The following PCDHGB2 variants were observed in gnomAD, a reference collection of about 807,000 sequenced individuals.
The protein encoded by PCDHGB2 is protocadherin gamma-B2.
In PCDHGB2, 55 loss-of-function variants were observed where a neutral mutation model predicts 59.3. That is an observed-to-expected ratio of 0.93 (90% confidence interval 0.75 to 1.16). PCDHGB2 has a LOEUF of 1.16. Ranked by LOEUF, PCDHGB2 falls within the 50% of genes most tolerant of loss-of-function variation. PCDHGB2 has a pLI of 0.00. For synonymous variants in PCDHGB2, 516 were observed against 512.0 expected (o/e 1.01, Z -0.11); for missense variants, 1,228 against 1,198.5 (o/e 1.02, Z -0.36).
At chr5:141,500,184 T>A (rs889800014) in intron 2 of PCDHGB2, among the ~76,000 whole-genome samples, 89 of 135,966 alleles carry the variant, frequency 6.5e-4, no homozygotes, top group African/African-American at 2.4e-3. Flanking sequence ...TCATTTTTAT[T>A]TTTATTTATT....
chr5:141,388,663 C>A (rs770660956), intron 1 of PCDHGB2: 1 of 1,613,928 alleles, frequency 6.2e-7, no homozygotes, highest in Non-Finnish European at 8.5e-7. Context: ...CCGGGGACCA[C>A]GGTGCTACAG....
chr5:141,423,265 G>A (rs973635802), intron 1 of PCDHGB2: 15 of 1,613,548 alleles, frequency 9.3e-6, no homozygotes, highest in African/African-American at 1.3e-5. Context: ...CGGCAGCCTC[G>A]AGTCTCTGGC....
chr5:141,410,730 C>CT (rs1191642079), intron 1 of PCDHGB2: 2 of 1,347,822 alleles, frequency 1.5e-6, no homozygotes, highest in Admixed American at 2.5e-5. Context: ...AAATCCATAG[C>CT]TTTTTACAAT....
intron 1 of PCDHGB2, chr5:141,374,760 C>T (rs1255992375): frequency 6.2e-7 from 1 of 1,613,440 alleles, no homozygotes; most frequent in South Asian, 1.1e-5. Context: ...TCAAGCGTCG[C>T]CCAAATTCTG....
At chr5:141,409,030 GAT>G in intron 1 of PCDHGB2, 1 of 1,614,010 alleles carries the variant, frequency 6.2e-7, no homozygotes, top group Non-Finnish European at 8.5e-7. Context: ...TCAATGCTGA[GAT>G]AAACTACTAC....
At chr5:141,502,978 G>T (rs1004984942) in intron 2 of PCDHGB2, among the ~76,000 whole-genome samples, 1 of 150,096 alleles carries the variant, frequency 6.7e-6, no homozygotes, top group Non-Finnish European at 1.5e-5. Context: ...CAAGTAGCTG[G>T]GATTACAGGC....
chr5:141,373,370 G>T (rs1448314999), intron 1 of PCDHGB2, among the ~76,000 whole-genome samples: 1 of 152,164 alleles, frequency 6.6e-6, no homozygotes, highest in African/African-American at 2.4e-5. Context: ...TAATGAATTG[G>T]TTCAAAATGT....
chr5:141,394,808 T>G lies in PCDHGB2; in HGVS notation c.2421+32252T>G, dbSNP rs534137630. The G allele has an allele frequency of 9.9e-6, 16 of 1,613,872 alleles. No individual in the cohort carries two copies. The East Asian group carries it at 3.6e-4, about 36-fold the overall frequency. On this transcript the variant is annotated intron_variant, in intron 1 of 3. Coordinates refer to ENST00000522605, the MANE Select transcript of PCDHGB2 (RefSeq NM_018923.3). ...CTGTCACGCTCACCGTAGCCGTGGC[T>G]GACAGCATCCCCGAAGTCCTGACCG...
chr5:141,452,364 A>G (rs1330623001), intron 1 of PCDHGB2, among the ~76,000 whole-genome samples: 1 of 152,188 alleles, frequency 6.6e-6, no homozygotes, highest in African/African-American at 2.4e-5. Flanking sequence ...GCCTTGCTTC[A>G]TTTTAGTAGG....
chr5:141,445,134 A>G lies in PCDHGB2; in HGVS notation c.2422-49673A>G, dbSNP rs900226020. ...TTGTAAATAGTATTTTTAAAATTGT[A>G]TCTTCTAATTGTTCATTTCTAGTTT... On this transcript the variant is annotated intron_variant, in intron 1 of 3. Transcript: ENST00000522605. Among the ~76,000 whole-genome samples, 174 of 152,316 alleles carry G rather than the reference A, an allele frequency of 1.1e-3. 4 individuals carry two copies. The highest frequency in any genetic ancestry group is 5.3e-4 in the Non-Finnish European group (36 of 68,016).
At chr5:141,394,250 C>T (rs749533197) in intron 1 of PCDHGB2, 15 of 1,613,784 alleles carry the variant, frequency 9.3e-6, no homozygotes, top group Non-Finnish European at 1.0e-5. Flanking sequence ...CACACGACCC[C>T]GACAGCCAGG....
chr5:141,467,681 A>G (rs2099148744), intron 1 of PCDHGB2, among the ~76,000 whole-genome samples: 1 of 152,076 alleles, frequency 6.6e-6, no homozygotes, highest in African/African-American at 2.4e-5. Flanking sequence ...TATTTTTTTT[A>G]GACAGGGTCT....
Position 141,432,072 on chromosome 5 carries a change from T to C in PCDHGB2, c.2422-62735T>C, listed in dbSNP as rs1236871982. The C allele has an allele frequency of 6.2e-7, 1 of 1,614,178 alleles. No homozygotes were observed. The highest frequency in any genetic ancestry group is 8.5e-7 in the Non-Finnish European group (1 of 1,180,032). On this transcript the variant is annotated intron_variant, in intron 1 of 3. Coordinates refer to ENST00000522605, the MANE Select transcript of PCDHGB2 (RefSeq NM_018923.3). This position sits in a 1 kb window ranked among gnomAD's most constrained non-coding sequence, Gnocchi z 6.0. ...CCGCCCCTATCCACGGAAACTCATA[T>C]CTCGCTGAACGTGGCAGACACCAAC...
chr5:141,364,219 G>A lies in PCDHGB2; in HGVS notation c.2421+1663G>A, dbSNP rs1277207859. 4.5e-6 allele frequency: 6 copies of A among 1,322,924 alleles called. No individual in the cohort carries two copies. In the Admixed American group the frequency reaches 1.8e-4, roughly 41 times the overall value. 81.9% of individuals were successfully genotyped at this position (1,322,924 alleles called of 1,614,324 possible). On this transcript the variant is annotated intron_variant, in intron 1 of 3. Coordinates refer to ENST00000522605, the MANE Select transcript of PCDHGB2 (RefSeq NM_018923.3). The stretch of plus-strand genomic sequence containing the variant: ...CAGACCAGACAAGCTCCTACGAAAA[G>A]CCAACGCTCCACGCCCATTTTCGTC...
At chr5:141,373,722 C>T (rs1260568332) in intron 1 of PCDHGB2, among the ~76,000 whole-genome samples, 1 of 152,202 alleles carries the variant, frequency 6.6e-6, no homozygotes, top group Non-Finnish European at 1.5e-5. Flanking sequence ...CTCTTACACT[C>T]TTCTAAATGC....
chr5:141,423,759 G>C, intron 1 of PCDHGB2: 1 of 321,042 alleles, frequency 3.1e-6, no homozygotes, highest in Non-Finnish European at 4.5e-6. Flanking sequence ...TTGGGGGGGG[G>C]GTGGGGCGGC....
rs1459105534 is a variant in PCDHGB2, at chr5:141,366,603, C to G, written c.2421+4047C>G. 2 of 1,614,226 alleles carry G rather than the reference C, an allele frequency of 1.2e-6. No individual in the cohort carries two copies. Among genetic ancestry groups the G allele is most frequent in the Non-Finnish European group, 1.7e-6 (2 of 1,180,034 alleles). ...CTGCAGACCTATTCCCACGAGGTCT[C>G]CCTCACCGCGGACTCGAGGAAGAGT... On this transcript the variant is annotated intron_variant, in intron 1 of 3. Transcript: ENST00000522605.
chr5:141,432,120 A>G lies in PCDHGB2; in HGVS notation c.2422-62687A>G, dbSNP rs764363553. 12 of 1,613,978 alleles carry G rather than the reference A, an allele frequency of 7.4e-6. No homozygotes were observed. The highest frequency in any genetic ancestry group is 5.3e-5 in the African/African-American group (4 of 74,894). ...AACGACAACCCGCCGGTCTTCCCTCAGGCCTCCTATTCCGCTTATATCCCA... is the reference window on the plus strand; with the variant it reads ...AACGACAACCCGCCGGTCTTCCCTCGGGCCTCCTATTCCGCTTATATCCCA... On this transcript the variant is annotated intron_variant, in intron 1 of 3. Transcript: ENST00000522605. The surrounding 1 kb of genome is among the most constrained non-coding windows in gnomAD (Gnocchi z 6.0).
At chr5:141,379,868 T>C (rs1775901267) in intron 1 of PCDHGB2, among the ~76,000 whole-genome samples, 1 of 149,208 alleles carries the variant, frequency 6.7e-6, no homozygotes, top group African/African-American at 2.5e-5. Flanking sequence ...CTTATTCTTA[T>C]TTTATGGTCT....
Sources: gnomAD v4.1 joint callset for allele counts (sites outside exome capture counted in the v4.1 genomes callset) on GRCh38, gnomAD v4.1.1 for gene constraint, Gnocchi (gnomAD v3.1) non-coding constraint, MANE v1.5 for transcripts, NCBI Gene and HGNC (gene_info 2026-07-23, HGNC 2026-07-21) for gene names.